Variants in PDZRN4 observed in about 807,000 individuals in gnomAD.
PDZRN4 encodes PDZ domain-containing RING finger protein 4.
A neutral mutation model predicts 99.0 loss-of-function variants in PDZRN4; 70 were observed. The ratio of observed to expected loss-of-function variants is 0.71; its 90% confidence interval spans 0.58 to 0.86. The LOEUF is 0.86. Among genes scored for constraint, PDZRN4 ranks in the 40% least tolerant of loss-of-function variants. PDZRN4 has a pLI of 0.00. For missense variants in PDZRN4, 1,474 were observed against 1,331.2 expected (o/e 1.11, Z -1.67); for synonymous variants, 551 against 501.6 (o/e 1.10, Z -1.32).
intron 3 of PDZRN4, among the ~76,000 whole-genome samples, chr12:41,449,856 C>A (rs138141891): frequency 1.4e-4 from 22 of 151,928 alleles, no homozygotes; most frequent in African/African-American, 4.8e-4. Context: ...TTTTATTTTA[C>A]GTGGTTTTTG....
intron 3 of PDZRN4, among the ~76,000 whole-genome samples, chr12:41,389,579 T>G (rs11180881): frequency 6.6e-6 from 1 of 152,318 alleles, no homozygotes; most frequent in South Asian, 2.1e-4. Flanking sequence ...AGAGATTATC[T>G]AGTGCAATCT....
intron 3 of PDZRN4, among the ~76,000 whole-genome samples, chr12:41,258,945 A>G (rs574056038): frequency 4.1e-4 from 63 of 152,218 alleles, no homozygotes; most frequent in African/African-American, 1.4e-3. Context: ...ATGTTGGTAA[A>G]GACACTAGTA....
intron 3 of PDZRN4, among the ~76,000 whole-genome samples, chr12:41,455,945 A>G (rs1444308342): frequency 6.6e-6 from 1 of 152,166 alleles, no homozygotes; most frequent in South Asian, 2.1e-4. Context: ...CCCCTCAACC[A>G]CCACATATCC....
At chr12:41,216,848 C>A (rs1186098001) in intron 3 of PDZRN4, among the ~76,000 whole-genome samples, 3 of 151,910 alleles carry the variant, frequency 2.0e-5, no homozygotes, top group Admixed American at 1.3e-4. Context: ...CCAAATCAAC[C>A]TGCTGAGTTA....
At chr12:41,190,111 A>T (rs982013510) in intron 1 of PDZRN4, among the ~76,000 whole-genome samples, 1 of 152,168 alleles carries the variant, frequency 6.6e-6, no homozygotes, top group Non-Finnish European at 1.5e-5. Flanking sequence ...AGCTGTTTTC[A>T]TTCTTCAGCA....
intron 3 of PDZRN4, among the ~76,000 whole-genome samples, chr12:41,339,825 A>C (rs564298092): frequency 6.6e-6 from 1 of 152,200 alleles, no homozygotes; most frequent in South Asian, 2.1e-4. Flanking sequence ...TGAAAAGAAG[A>C]TCAACATCAT....
At chr12:41,399,517 C>A (rs1592043778) in intron 3 of PDZRN4, among the ~76,000 whole-genome samples, 1 of 152,190 alleles carries the variant, frequency 6.6e-6, no homozygotes, top group Non-Finnish European at 1.5e-5. Flanking sequence ...GGTGGATCAC[C>A]TGAGGTCTGG....
chr12:41,372,028 G>A (rs1449159554), intron 3 of PDZRN4, among the ~76,000 whole-genome samples: 4 of 151,698 alleles, frequency 2.6e-5, no homozygotes. Flanking sequence ...ATTTCCACTT[G>A]CTAACTACAG....
At chr12:41,479,466 A>C (rs543066916) in intron 3 of PDZRN4, among the ~76,000 whole-genome samples, 24 of 152,318 alleles carry the variant, frequency 1.6e-4, no homozygotes, top group African/African-American at 5.8e-4. Flanking sequence ...TATTTTATGA[A>C]AGAGGTTAAC....
intron 5 of PDZRN4, among the ~76,000 whole-genome samples, chr12:41,541,206 G>A (rs437178): frequency 0.52 from 79,406 of 151,532 alleles, 21,587 homozygotes; most frequent in African/African-American, 0.68. Flanking sequence ...CTGGGAATAC[G>A]GGTGTGAGCC....
chr12:41,424,807 C>G, intron 3 of PDZRN4, among the ~76,000 whole-genome samples: 1 of 152,130 alleles, frequency 6.6e-6, no homozygotes, highest in East Asian at 1.9e-4. Context: ...ACATTGGTGG[C>G]TTATGCTTAC....
At chr12:41,299,397 T>C (rs1187614812) in intron 3 of PDZRN4, among the ~76,000 whole-genome samples, 5 of 152,172 alleles carry the variant, frequency 3.3e-5, no homozygotes, top group Non-Finnish European at 7.4e-5. Flanking sequence ...ATTTCTTGAA[T>C]CTCAGAATGC....
intron 3 of PDZRN4, among the ~76,000 whole-genome samples, chr12:41,380,721 ATTTG>A (rs1242586964): frequency 6.6e-6 from 1 of 151,964 alleles, no homozygotes; most frequent in African/African-American, 2.4e-5. Flanking sequence ...TTTTTAATAC[ATTTG>A]TTTTTTACCT....
At chr12:41,410,527 G>A (rs1403768130) in intron 3 of PDZRN4, among the ~76,000 whole-genome samples, 1 of 152,156 alleles carries the variant, frequency 6.6e-6, no homozygotes, top group Admixed American at 6.5e-5. Flanking sequence ...TTTGGGCCAG[G>A]CTGAAGTGAA....
chr12:41,478,813 T>C (rs1937630567), intron 3 of PDZRN4, among the ~76,000 whole-genome samples: 1 of 151,476 alleles, frequency 6.6e-6, no homozygotes, highest in African/African-American at 2.4e-5. Flanking sequence ...ATCCAGGGAG[T>C]TCTCCTAGGA....
chr12:41,573,199 A>C lies in PDZRN4; in HGVS notation c.2420A>C (p.Lys807Thr). ...GAGCAAGGTTGTAGCGCTGAAAGCA[A>C]GGAGAAGGTTTTAGAAGGCAGCAAG... ...TTEQGCSAES[K>T]EKVLEGSKLP... Residue 807 changes from lysine (K) to threonine (T), a missense_variant, in exon 10 of 10, where the codon AAG becomes ACG. Physicochemically the swap from Lys to Thr is moderately conservative, Grantham distance 78. Coordinates refer to ENST00000402685, the MANE Select transcript of PDZRN4 (RefSeq NM_001164595.2). The C allele has an allele frequency of 6.2e-7, 1 of 1,614,168 alleles. No individual in the cohort carries two copies. The highest frequency in any genetic ancestry group is 8.5e-7 in the Non-Finnish European group (1 of 1,180,012).
At chr12:41,501,597 G>A (rs960563019) in intron 3 of PDZRN4, among the ~76,000 whole-genome samples, 2 of 152,120 alleles carry the variant, frequency 1.3e-5, no homozygotes, top group Non-Finnish European at 2.9e-5. Flanking sequence ...TAGCCCATCT[G>A]CCATAAGAAA....
intron 3 of PDZRN4, among the ~76,000 whole-genome samples, chr12:41,306,832 T>C (rs1390106806): frequency 1.3e-5 from 2 of 152,218 alleles, no homozygotes; most frequent in Admixed American, 6.5e-5. Flanking sequence ...TGCCTCCATA[T>C]AATGAGGATC....
chr12:41,414,620 C>T (rs1202290417), intron 3 of PDZRN4, among the ~76,000 whole-genome samples: 1 of 151,648 alleles, frequency 6.6e-6, no homozygotes, highest in Admixed American at 6.6e-5. Flanking sequence ...AAATAATGTA[C>T]AACCATCTTC....
Sources: allele counts gnomAD v4.1 joint callset (sites outside exome capture counted in the v4.1 genomes callset), GRCh38; gene constraint gnomAD v4.1.1; transcripts MANE v1.5; gene names NCBI Gene and HGNC (gene_info 2026-07-23, HGNC 2026-07-21).